CHM: variants seen among roughly 807,000 people sequenced by gnomAD.
The protein encoded by CHM is CHM Rab escort protein, also known as rab proteins geranylgeranyltransferase component A 1.
A neutral mutation model predicts 49.0 loss-of-function variants in CHM; 10 were observed. The observed-to-expected ratio is 0.20, with a 90% confidence interval of 0.13 to 0.35. The LOEUF is 0.35. Ranked by LOEUF, CHM falls within the 10% of genes least tolerant of loss-of-function variation. The pLI, the probability that CHM is intolerant of heterozygous loss-of-function variation, is 1.00. For missense variants in CHM, 455 were observed against 478.4 expected, an observed-to-expected ratio of 0.95 and a Z score of 0.46; for synonymous variants, 184 against 167.5, an observed-to-expected ratio of 1.10 and a Z score of -0.76.
At chrX:86,018,179 C>G (rs1482114388) in intron 2 of CHM, among the ~76,000 whole-genome samples, 1 of 112,092 alleles carries the variant, frequency 8.9e-6, no homozygotes, top group African/African-American at 3.2e-5. Context: ...ATAAAGAACT[C>G]AAAACCCAAC....
intron 2 of CHM, among the ~76,000 whole-genome samples, chrX:85,990,384 T>C (rs1339303883): frequency 4.5e-5 from 5 of 111,666 alleles, no homozygotes; most frequent in Non-Finnish European, 9.4e-5. Context: ...TTTTGGATAC[T>C]GCGCTTAATA....
intron 8 of CHM, among the ~76,000 whole-genome samples, chrX:85,942,036 G>A (rs5968722): frequency 0.17 from 19,033 of 111,016 alleles, 1,550 homozygotes; most frequent in Middle Eastern, 0.26. Flanking sequence ...TGAGCACAGA[G>A]AAGTTAAATA....
chrX:85,966,885 G>C (rs908163910), intron 4 of CHM, among the ~76,000 whole-genome samples: 1 of 111,759 alleles, frequency 8.9e-6, no homozygotes, highest in African/African-American at 3.3e-5. Context: ...TAGAGTGAAT[G>C]AAATACATTA....
chrX:85,981,982 G>A (rs1931647911), intron 2 of CHM, among the ~76,000 whole-genome samples, 173 bp from the exon 3 acceptor site: 1 of 111,398 alleles, frequency 9.0e-6, no homozygotes, highest in South Asian at 3.8e-4. Context: ...GGAAGTGGTA[G>A]GCTAAAAGTA....
At chrX:85,990,496 T>C (rs1262194705) in intron 2 of CHM, among the ~76,000 whole-genome samples, 1 of 111,720 alleles carries the variant, frequency 9.0e-6, no homozygotes, top group Non-Finnish European at 1.9e-5. Flanking sequence ...TTTAAAAAAA[T>C]TGTAGAAAAC....
chrX:85,900,878 AG>A (rs1162869982), intron 10 of CHM, among the ~76,000 whole-genome samples, 169 bp from the exon 11 acceptor site: 1 of 112,069 alleles, frequency 8.9e-6, no homozygotes, highest in African/African-American at 3.2e-5. Context: ...TCATGAAAGA[AG>A]AATGCCTGAC....
intron 2 of CHM, among the ~76,000 whole-genome samples, chrX:85,984,568 A>T (rs1931807826): frequency 8.9e-6 from 1 of 111,825 alleles, no homozygotes; most frequent in Admixed American, 9.5e-5. Flanking sequence ...ATAAATATAT[A>T]CCCACCTTAT....
At chrX:86,038,049 A>C (rs1934317126) in intron 1 of CHM, among the ~76,000 whole-genome samples, 1 of 112,166 alleles carries the variant, frequency 8.9e-6, no homozygotes, top group African/African-American at 3.2e-5. Context: ...GTACCTTGGG[A>C]TTGTGAAAGG....
chrX:86,036,301 C>G (rs973055728), intron 1 of CHM, among the ~76,000 whole-genome samples: 16 of 111,312 alleles, frequency 1.4e-4, no homozygotes, highest in Non-Finnish European at 2.8e-4. Context: ...CAACTCAAAG[C>G]TGGTGGGGGG....
At chrX:85,948,429 C>A (rs1286728264) in intron 8 of CHM, among the ~76,000 whole-genome samples, 1 of 111,419 alleles carries the variant, frequency 9.0e-6, no homozygotes, top group Non-Finnish European at 1.9e-5. Flanking sequence ...ATTATTGTAT[C>A]TTGACATATT....
intron 13 of CHM, among the ~76,000 whole-genome samples, chrX:85,877,250 A>G (rs999204980): frequency 1.8e-5 from 2 of 111,939 alleles, no homozygotes; most frequent in Admixed American, 9.5e-5. Context: ...GTTTTCAAAT[A>G]CTTCATTTGG....
At chrX:85,998,759 G>C (rs1185919522) in intron 2 of CHM, among the ~76,000 whole-genome samples, 2 of 110,943 alleles carry the variant, frequency 1.8e-5, no homozygotes, top group Non-Finnish European at 3.8e-5. Flanking sequence ...TGAGATATGA[G>C]TTCTACTGAA....
chrX:86,012,775 A>G (rs968876036), intron 2 of CHM, among the ~76,000 whole-genome samples: 1 of 111,240 alleles, frequency 9.0e-6, no homozygotes, highest in Non-Finnish European at 1.9e-5. Context: ...GAAATATGTG[A>G]AAGAGGCTAC....
chrX:85,922,011 C>T (rs1927814694), intron 8 of CHM, among the ~76,000 whole-genome samples: 1 of 112,030 alleles, frequency 8.9e-6, no homozygotes, highest in Non-Finnish European at 1.9e-5. Flanking sequence ...TGCATTTACA[C>T]ACATGTGCAT....
intron 14 of CHM, among the ~76,000 whole-genome samples, chrX:85,865,244 T>C (rs1337889334): frequency 1.8e-5 from 2 of 111,709 alleles, no homozygotes; most frequent in African/African-American, 6.5e-5. Flanking sequence ...GGTGACTAGA[T>C]TATGGGGGCG....
intron 1 of CHM, among the ~76,000 whole-genome samples, chrX:86,039,901 G>A (rs1245137447): frequency 6.3e-5 from 7 of 111,606 alleles, no homozygotes; most frequent in Non-Finnish European, 1.3e-4. Context: ...TGGCATTCAG[G>A]GGAAGACTAC....
At chrX:85,911,055 T>C (rs1288672198) in intron 9 of CHM, among the ~76,000 whole-genome samples, 1 of 80,848 alleles carries the variant, frequency 1.2e-5, no homozygotes, top group African/African-American at 4.6e-5. Context: ...CCAAGGAGGA[T>C]CTTTGAAGAA....
intron 8 of CHM, among the ~76,000 whole-genome samples, chrX:85,929,636 C>T (rs754409151): frequency 1.3e-4 from 15 of 111,864 alleles, no homozygotes; most frequent in South Asian, 3.7e-4. Flanking sequence ...ATTCTAAATA[C>T]GCATAAGATA....
intron 3 of CHM, among the ~76,000 whole-genome samples, chrX:85,981,442 C>T (rs1287225187): frequency 9.1e-6 from 1 of 109,348 alleles, no homozygotes; most frequent in Non-Finnish European, 1.9e-5. Flanking sequence ...CCATGTTGGC[C>T]AGGCTGGTCT....
Sources: allele counts gnomAD v4.1 joint callset (sites outside exome capture counted in the v4.1 genomes callset), GRCh38; gene constraint gnomAD v4.1.1; transcripts MANE v1.5; gene names NCBI Gene and HGNC (gene_info 2026-07-23, HGNC 2026-07-21).